The following OSBPL11 variants were observed in gnomAD, a reference collection of about 807,000 sequenced individuals.
OSBPL11 encodes oxysterol-binding protein-related protein 11.
In OSBPL11, 33 loss-of-function variants were observed where a neutral mutation model predicts 84.4. The observed-to-expected ratio is 0.39, with a 90% confidence interval of 0.30 to 0.52. The LOEUF is 0.52. Among genes scored for constraint, OSBPL11 ranks in the 20% least tolerant of loss-of-function variants. The pLI is 0.72. For missense variants in OSBPL11, 736 were observed against 901.1 expected (o/e 0.82, Z 2.35); for synonymous variants, 276 against 310.2 (o/e 0.89, Z 1.16).
rs57151123 is a variant in OSBPL11 at position 125,583,581 on chromosome 3, CAAAAAAAAAAAAAA to C, written c.165-617_165-604del. Reference sequence around the variant, plus strand: ...GGGCAACAGAGTGAGACTCCGTCTCCAAAAAAAAAAAAAAAAAAAAAAAAAAGGGCTGAGTGCAG... The same window carrying C: ...GGGCAACAGAGTGAGACTCCGTCTCCAAAAAAAAAAAAGGGCTGAGTGCAG... On this transcript the variant is annotated intron_variant, in intron 1 of 12. Transcript: ENST00000296220. 2.4e-4 allele frequency among the ~76,000 whole-genome samples: 11 copies of C among 44,944 alleles called. No individual in the cohort carries two copies. The East Asian group carries it at 8.0e-3, about 33-fold the overall frequency. The allele number at this position is 44,944 out of a possible 152,430, so 29.5% of individuals were successfully genotyped here.
intron 10 of OSBPL11, among the ~76,000 whole-genome samples, chr3:125,545,623 TGTGTGTGTGC>T (rs1935800985): frequency 6.6e-6 from 1 of 151,992 alleles, no homozygotes. Context: ...TATATATGTG[TGTGTGTGTGC>T]GTGTGTGTGT....
At chr3:125,582,631 C>A (rs1242284688) in intron 2 of OSBPL11, among the ~76,000 whole-genome samples, 2 of 152,182 alleles carry the variant, frequency 1.3e-5, no homozygotes, top group Non-Finnish European at 2.9e-5. Context: ...CCCTAAGAAC[C>A]TAACTTCTGC....
At chr3:125,559,413 G>T (rs1273873275) in intron 8 of OSBPL11, among the ~76,000 whole-genome samples, 2 of 151,902 alleles carry the variant, frequency 1.3e-5, no homozygotes, top group African/African-American at 4.8e-5. Flanking sequence ...TTTAGTGATG[G>T]AGTCTCGTTC....
intron 1 of OSBPL11, among the ~76,000 whole-genome samples, chr3:125,590,060 G>A (rs972749133): frequency 6.6e-6 from 1 of 152,144 alleles, no homozygotes; most frequent in African/African-American, 2.4e-5. Context: ...AAGCTGACAT[G>A]AAGAATACAA....
At chr3:125,534,257 C>T (rs1935605128) in intron 11 of OSBPL11, among the ~76,000 whole-genome samples, 1 of 152,044 alleles carries the variant, frequency 6.6e-6, no homozygotes, top group African/African-American at 2.4e-5. Flanking sequence ...GTGGCACACG[C>T]CTGTAGTCCC....
At chr3:125,572,039 C>A (rs558934206) in intron 5 of OSBPL11, among the ~76,000 whole-genome samples, 1 of 152,384 alleles carries the variant, frequency 6.6e-6, no homozygotes, top group East Asian at 1.9e-4. Context: ...CTGTGCCCTG[C>A]AAAGCCACGG....
chr3:125,580,378 G>A (rs927696437), intron 2 of OSBPL11, among the ~76,000 whole-genome samples: 1 of 152,052 alleles, frequency 6.6e-6, no homozygotes, highest in African/African-American at 2.4e-5. Context: ...GCCAGGTGTG[G>A]TGGTGCATGC....
chr3:125,537,159 C>CAAA (rs574427912), intron 11 of OSBPL11, among the ~76,000 whole-genome samples: 1 of 88,198 alleles, frequency 1.1e-5, no homozygotes, highest in Non-Finnish European at 2.4e-5. Context: ...GACCCTGTCT[C>CAAA]AAAAAAAAAA....
intron 11 of OSBPL11, among the ~76,000 whole-genome samples, chr3:125,538,087 T>A (rs1348947517): frequency 6.6e-6 from 1 of 152,236 alleles, no homozygotes; most frequent in African/African-American, 2.4e-5. Flanking sequence ...TGTTCCGATA[T>A]TTTTGCACTA....
chr3:125,577,105 A>G (rs537586226), intron 4 of OSBPL11, among the ~76,000 whole-genome samples: 1 of 152,330 alleles, frequency 6.6e-6, no homozygotes, highest in South Asian at 2.1e-4. Context: ...AGAACCTTGC[A>G]GTATGAGAAA....
At chr3:125,547,380 C>T in intron 10 of OSBPL11, 26 bp downstream of exon 10, 1 of 1,587,660 alleles carries the variant, frequency 6.3e-7, no homozygotes, top group Non-Finnish European at 8.6e-7. Flanking sequence ...AGAATAAGAA[C>T]TAGATAATCA....
At position 125,530,160 on chromosome 3, in the gene OSBPL11, C is replaced by A; in HGVS notation, c.*355G>T. 1 of 217,868 alleles carries A rather than the reference C, an allele frequency of 4.6e-6. No homozygotes were observed. The highest frequency in any genetic ancestry group is 9.3e-6 in the Non-Finnish European group (1 of 107,426). The allele number at this position is 217,868 out of a possible 1,614,324, so 13.5% of individuals were successfully genotyped here. A position where few individuals can be genotyped will look rare whatever the true frequency, so the allele number is the denominator to read the frequency against. On this transcript the variant is annotated 3_prime_UTR_variant, in exon 13 of 13. Coordinates refer to ENST00000296220, the MANE Select transcript of OSBPL11 (RefSeq NM_022776.5). ...ACTTCACTTTTCACTACAAAGAAAT[C>A]AAAGTCACTGAGTTCTCATTGTTGT...
chr3:125,534,954 A>G (rs1171073631), intron 11 of OSBPL11, among the ~76,000 whole-genome samples: 3 of 86,470 alleles, frequency 3.5e-5, no homozygotes, highest in Non-Finnish European at 6.8e-5. Flanking sequence ...GAAATTAGAA[A>G]AAAAAAAAAA....
intron 12 of OSBPL11, among the ~76,000 whole-genome samples, chr3:125,531,586 C>T (rs538689907): frequency 2.0e-5 from 3 of 152,024 alleles, no homozygotes; most frequent in East Asian, 1.9e-4. Context: ...CCACCGAGCC[C>T]GGCCACCCCC....
intron 10 of OSBPL11, among the ~76,000 whole-genome samples, chr3:125,546,165 T>TTG (rs201307785): frequency 2.8e-5 from 4 of 143,384 alleles, no homozygotes; most frequent in Non-Finnish European, 4.5e-5. Flanking sequence ...TTCGTTTTTT[T>TTG]TGTGTGTGTG....
At chr3:125,592,829 GA>G (rs199542270) in intron 1 of OSBPL11, among the ~76,000 whole-genome samples, 5 of 148,618 alleles carry the variant, frequency 3.4e-5, no homozygotes, top group South Asian at 2.1e-4. Flanking sequence ...TTTCACAAAA[GA>G]AAAAAAAATG....
chr3:125,546,174 T>G (rs1239447194), intron 10 of OSBPL11, among the ~76,000 whole-genome samples: 34 of 139,326 alleles, frequency 2.4e-4, no homozygotes, highest in African/African-American at 9.1e-4. Context: ...TTTGTGTGTG[T>G]GTGTTTTTTT....
chr3:125,543,740 A>G (rs1169683057), intron 10 of OSBPL11, among the ~76,000 whole-genome samples: 2 of 151,962 alleles, frequency 1.3e-5, no homozygotes, highest in African/African-American at 4.8e-5. Flanking sequence ...GTCTCTACTA[A>G]AAATACAAAA....
intron 1 of OSBPL11, among the ~76,000 whole-genome samples, chr3:125,586,070 A>G (rs1936505346): frequency 6.6e-6 from 1 of 152,144 alleles, no homozygotes; most frequent in Non-Finnish European, 1.5e-5. Flanking sequence ...GACCCACCCC[A>G]TCTCTAAAAA....
Sources: gnomAD v4.1 joint callset for allele counts (sites outside exome capture counted in the v4.1 genomes callset) on GRCh38, gnomAD v4.1.1 for gene constraint, MANE v1.5 for transcripts, NCBI Gene and HGNC (gene_info 2026-07-23, HGNC 2026-07-21) for gene names.